The following TRIM23 variants were observed in gnomAD, a reference collection of about 807,000 sequenced individuals.
TRIM23 encodes the protein E3 ubiquitin-protein ligase TRIM23.
TRIM23 carries 27 observed loss-of-function variants against 71.0 expected under a neutral mutation model. That is an observed-to-expected ratio of 0.38 (90% CI 0.28 to 0.52). The LOEUF (loss-of-function observed/expected upper bound fraction) is 0.52. Among genes scored for constraint, TRIM23 ranks in the 20% least tolerant of loss-of-function variants. The pLI, the probability that TRIM23 is intolerant of heterozygous loss-of-function variation, is 0.84. For synonymous variants in TRIM23, 234 were observed against 238.0 expected (o/e 0.98, Z 0.16); for missense variants, 482 against 692.3 (o/e 0.70, Z 3.41).
chr5:65,591,546 A>T lies in TRIM23; in HGVS notation c.*223T>A, dbSNP rs1754026139. On this transcript the variant is annotated 3_prime_UTR_variant, in exon 11 of 11. Transcript: ENST00000231524. The stretch of plus-strand genomic sequence containing the variant: ...TTTTTAAAAGAATGTATATTCAATA[A>T]GTTTCTATTTAATTCAATCTAATCT... The T allele has an allele frequency of 1.4e-6, 2 of 1,465,780 alleles. No individual in the cohort carries two copies. The highest frequency in any genetic ancestry group is 4.3e-5 in the Admixed American group (2 of 46,244). 90.8% of individuals were successfully genotyped at this position (1,465,780 alleles called of 1,614,324 possible). A position where few individuals can be genotyped will look rare whatever the true frequency, so the allele number is the denominator to read the frequency against.
intron 1 of TRIM23, among the ~76,000 whole-genome samples, chr5:65,623,842 C>T (rs572882795): frequency 1.3e-5 from 2 of 152,192 alleles, no homozygotes; most frequent in African/African-American, 4.8e-5. Context: ...TAACTTAGTA[C>T]GTAGTTACGA....
intron 10 of TRIM23, among the ~76,000 whole-genome samples, chr5:65,592,402 T>C (rs2150618550): frequency 6.6e-6 from 1 of 152,216 alleles, no homozygotes; most frequent in South Asian, 2.1e-4. Context: ...TTTTTTTGTA[T>C]TTTTAGTAGA....
At chr5:65,623,835 C>T (rs1048655330) in intron 1 of TRIM23, among the ~76,000 whole-genome samples, 3 of 152,336 alleles carry the variant, frequency 2.0e-5, no homozygotes, top group Admixed American at 1.3e-4. Flanking sequence ...AAACACCTAA[C>T]TTAGTACGTA....
intron 1 of TRIM23, among the ~76,000 whole-genome samples, chr5:65,620,963 G>A (rs933300016): frequency 2.6e-5 from 4 of 151,940 alleles, no homozygotes; most frequent in Admixed American, 1.3e-4. Context: ...CCAGGAGGTC[G>A]AGGTTGCTAT....
intron 7 of TRIM23, among the ~76,000 whole-genome samples, chr5:65,601,834 C>T (rs1484990419): frequency 6.6e-6 from 1 of 151,624 alleles, no homozygotes; most frequent in Non-Finnish European, 1.5e-5. Flanking sequence ...CCCTCTGAAG[C>T]CACAGCCCGA....
intron 7 of TRIM23, among the ~76,000 whole-genome samples, chr5:65,600,582 T>G (rs1754333308): frequency 6.8e-6 from 1 of 146,772 alleles, no homozygotes. Context: ...CTCATGACAT[T>G]GCATTTGAGA....
intron 3 of TRIM23, among the ~76,000 whole-genome samples, chr5:65,613,001 A>G (rs1287709894): frequency 6.6e-6 from 1 of 152,200 alleles, no homozygotes; most frequent in Admixed American, 6.5e-5. Flanking sequence ...TTAAAAGGCC[A>G]TAATTGGAAG....
intron 7 of TRIM23, 32 bp from the exon 8 acceptor site, chr5:65,597,212 C>T: frequency 6.2e-7 from 1 of 1,608,364 alleles, no homozygotes; most frequent in Non-Finnish European, 8.5e-7. Context: ...ATATGTTTGA[C>T]ATGCAGTTAG....
Position 65,591,754 on chromosome 5 carries a change from CT to C in TRIM23, c.*14del. The stretch of plus-strand genomic sequence containing the variant: ...CTTTTAACCACAAAACTTCAAACAA[CT>C]GCTGCCTTTAAAATCAAGCAACATC... On this transcript the variant is annotated 3_prime_UTR_variant, in exon 11 of 11. Coordinates refer to ENST00000231524, the MANE Select transcript of TRIM23 (RefSeq NM_001656.4). 6.3e-7 allele frequency: 1 copy of C among 1,594,360 alleles called. No homozygotes were observed.
chr5:65,621,326 T>C (rs955293304), intron 1 of TRIM23, among the ~76,000 whole-genome samples: 1 of 152,206 alleles, frequency 6.6e-6, no homozygotes, highest in Non-Finnish European at 1.5e-5. Flanking sequence ...CCCTCCAGCC[T>C]GGGCGACAGA....
chr5:65,590,665 TTAATG>T lies in TRIM23; in HGVS notation c.*1099_*1103del, dbSNP rs1442413509. 1.0e-5 allele frequency: 10 copies of T among 984,370 alleles called. No homozygotes were observed. The highest frequency in any genetic ancestry group is 1.1e-4 in the East Asian group (1 of 9,490). 61.0% of individuals were successfully genotyped at this position (984,370 alleles called of 1,614,324 possible). On this transcript the variant is annotated 3_prime_UTR_variant, in exon 11 of 11. Transcript: ENST00000231524. ...TTTATTTACTCACAACACTGAATAA[TTAATG>T]TAAACTTTTTGAATTTTTTTTTTCT...
chr5:65,612,914 A>G (rs1754689622), intron 3 of TRIM23, among the ~76,000 whole-genome samples: 1 of 152,234 alleles, frequency 6.6e-6, no homozygotes, highest in Admixed American at 6.5e-5. Context: ...TAATTATGAA[A>G]TAATTACTTT....
At position 65,590,921 on chromosome 5, in the gene TRIM23, C is replaced by A; in HGVS notation, c.*848G>T. Reference sequence around the variant, plus strand: ...TTACTTACTACATTTTACCTATAGTCATTCCCACAAAGGATGCAATATTAT... The same window carrying A: ...TTACTTACTACATTTTACCTATAGTAATTCCCACAAAGGATGCAATATTAT... On this transcript the variant is annotated 3_prime_UTR_variant, in exon 11 of 11. Transcript: ENST00000231524. 1.0e-6 allele frequency: 1 copy of A among 985,150 alleles called. No homozygotes were observed. Among genetic ancestry groups the A allele is most frequent in the Non-Finnish European group, 1.2e-6 (1 of 829,730 alleles). The allele number at this position is 985,150 out of a possible 1,614,324, so 61.0% of individuals were successfully genotyped here.
At chr5:65,614,558 A>T (rs1754732837) in intron 2 of TRIM23, among the ~76,000 whole-genome samples, 1 of 152,024 alleles carries the variant, frequency 6.6e-6, no homozygotes, top group African/African-American at 2.4e-5. Context: ...AACATGGTGA[A>T]ATCCCGTCTC....
chr5:65,596,977 T>A (rs1428807589), intron 8 of TRIM23, 74 bp downstream of exon 8: 1 of 1,567,740 alleles, frequency 6.4e-7, no homozygotes, highest in East Asian at 2.2e-5. Flanking sequence ...CAGATCAGTA[T>A]CAAATAAGAC....
Position 65,589,988 on chromosome 5 carries a change from T to A in TRIM23, c.*1781A>T, listed in dbSNP as rs1467517690. 4.3e-6 allele frequency: 1 copy of A among 231,648 alleles called. No individual in the cohort carries two copies. Among genetic ancestry groups the A allele is most frequent in the Non-Finnish European group, 8.6e-6 (1 of 116,270 alleles). The allele number at this position is 231,648 out of a possible 1,614,324, so 14.3% of individuals were successfully genotyped here. A position where few individuals can be genotyped will look rare whatever the true frequency, so the allele number is the denominator to read the frequency against. On this transcript the variant is annotated 3_prime_UTR_variant, in exon 11 of 11. Transcript: ENST00000231524. ...AGTAATAGGAGCTTGAGAAAAATAT[T>A]TCTTTAAAAATGAATCACACACAAA...
At chr5:65,621,647 A>T (rs988082891) in intron 1 of TRIM23, among the ~76,000 whole-genome samples, 1 of 152,150 alleles carries the variant, frequency 6.6e-6, no homozygotes, top group African/African-American at 2.4e-5. Context: ...GGTAAATAAT[A>T]CAGCAAGAAA....
intron 1 of TRIM23, among the ~76,000 whole-genome samples, chr5:65,622,169 T>G (rs1754964719): frequency 6.6e-6 from 1 of 151,976 alleles, no homozygotes; most frequent in Non-Finnish European, 1.5e-5. Context: ...ATCAGATTTT[T>G]TATCTTTTAT....
intron 6 of TRIM23, among the ~76,000 whole-genome samples, chr5:65,607,643 T>C (rs1754543213): frequency 1.3e-5 from 2 of 152,182 alleles, no homozygotes; most frequent in Non-Finnish European, 2.9e-5. Context: ...AGTGTGAAAA[T>C]GGACTAATAT....
Sources: allele counts gnomAD v4.1 joint callset (sites outside exome capture counted in the v4.1 genomes callset), GRCh38; gene constraint gnomAD v4.1.1; transcripts MANE v1.5; gene names NCBI Gene and HGNC (gene_info 2026-07-23, HGNC 2026-07-21).